Variants in KCNG3 observed in about 807,000 individuals in gnomAD.
KCNG3 encodes the protein potassium voltage-gated channel modifier subfamily G member 3, also known as voltage-gated potassium channel regulatory subunit KCNG3.
A neutral mutation model predicts 29.0 loss-of-function variants in KCNG3; 15 were observed. The observed-to-expected ratio is 0.52, with a 90% CI of 0.35 to 0.80. KCNG3 has a LOEUF of 0.80. Among genes scored for constraint, KCNG3 ranks in the 30% least tolerant of loss-of-function variants. The probability of loss-of-function intolerance (pLI) is 0.01; values close to 1 mark genes in which losing one functional copy is unlikely to be tolerated. For synonymous variants in KCNG3, 322 were observed against 248.9 expected (o/e 1.29, Z -2.76); for missense variants, 512 against 605.7 (o/e 0.85, Z 1.62).
chr2:42,421,389 T>A, the KCNG3 span, among the ~76,000 whole-genome samples: 2 of 151,988 alleles, frequency 1.3e-5, no homozygotes, highest in South Asian at 4.2e-4. Flanking sequence ...AGTCAACAAG[T>A]CCCCAAGAAA....
At chr2:42,418,673 G>A in the KCNG3 span, among the ~76,000 whole-genome samples, 1 of 152,106 alleles carries the variant, frequency 6.6e-6, no homozygotes, top group Non-Finnish European at 1.5e-5. Flanking sequence ...GTTTTTTGTG[G>A]TTAAAAACAT....
chr2:42,440,784 G>C (rs1001528125), downstream of KCNG3, among the ~76,000 whole-genome samples: 1 of 152,042 alleles, frequency 6.6e-6, no homozygotes, highest in African/African-American at 2.4e-5. Context: ...TGAATTGTTA[G>C]TTTGTTCACT....
At position 42,460,985 on chromosome 2, in the gene KCNG3, C is replaced by A. The variant is rs186701580; in HGVS notation, c.666-16406G>T. ...GACCACCCTGGCTAACGTGGTGAAACCCCGTCTCTACTAAAAATACAAAAA... is the reference window on the plus strand; with the variant it reads ...GACCACCCTGGCTAACGTGGTGAAAACCCGTCTCTACTAAAAATACAAAAA... On this transcript the variant is annotated intron_variant, in intron 1 of 1. Transcript: ENST00000306078. Among the ~76,000 whole-genome samples the A allele has an allele frequency of 2.8e-3, 426 of 151,978 alleles. 1 individual carries two copies. Among genetic ancestry groups the A allele is most frequent in the African/African-American group, 9.8e-3 (408 of 41,462 alleles).
intron 1 of KCNG3, among the ~76,000 whole-genome samples, chr2:42,451,658 G>A (rs564760330): frequency 9.9e-5 from 15 of 152,048 alleles, no homozygotes; most frequent in Admixed American, 7.9e-4. Context: ...CCCAGGAGGT[G>A]GAGGTTGTAG....
intron 1 of KCNG3, among the ~76,000 whole-genome samples, chr2:42,475,108 G>C (rs985495632): frequency 6.6e-6 from 1 of 152,128 alleles, no homozygotes. Flanking sequence ...TTTGATACTT[G>C]AAATTTTGTA....
At chr2:42,472,828 C>A (rs985291761) in intron 1 of KCNG3, among the ~76,000 whole-genome samples, 5 of 145,414 alleles carry the variant, frequency 3.4e-5, no homozygotes, top group Admixed American at 2.8e-4. Flanking sequence ...ATCTAGATAT[C>A]TATATATAGA....
chr2:42,437,899 T>C (rs1022567121), downstream of KCNG3, among the ~76,000 whole-genome samples: 4 of 136,356 alleles, frequency 2.9e-5, no homozygotes, highest in African/African-American at 5.6e-5. Flanking sequence ...GATTGTGCCA[T>C]TGCACTCCAG....
the KCNG3 span, among the ~76,000 whole-genome samples, chr2:42,413,126 A>C: frequency 6.6e-6 from 1 of 151,924 alleles, no homozygotes; most frequent in Non-Finnish European, 1.5e-5. Flanking sequence ...TAACCTCCCA[A>C]ATAGCTAAGA....
At chr2:42,467,110 T>A (rs372665725) in intron 1 of KCNG3, among the ~76,000 whole-genome samples, 2 of 152,066 alleles carry the variant, frequency 1.3e-5, no homozygotes, top group East Asian at 3.9e-4. Context: ...TGAAGATAAA[T>A]GTGAAAATTT....
At chr2:42,468,006 C>T (rs1435793758) in intron 1 of KCNG3, among the ~76,000 whole-genome samples, 1 of 151,352 alleles carries the variant, frequency 6.6e-6, no homozygotes, top group East Asian at 1.9e-4. Context: ...ATGTTGATAC[C>T]AAACCCAGAC....
intron 1 of KCNG3, among the ~76,000 whole-genome samples, chr2:42,447,264 AT>A: frequency 6.6e-6 from 1 of 151,296 alleles, no homozygotes; most frequent in Non-Finnish European, 1.5e-5. Flanking sequence ...ATATATGTAC[AT>A]ACATGTATAT....
At chr2:42,481,107 G>T (rs115786561) in intron 1 of KCNG3, among the ~76,000 whole-genome samples, 1 of 152,080 alleles carries the variant, frequency 6.6e-6, no homozygotes, top group Non-Finnish European at 1.5e-5. Context: ...TAGTTCAGGG[G>T]CTACACAAAA....
At position 42,443,988 on chromosome 2, in the gene KCNG3, G is replaced by A; in HGVS notation, c.1257C>T (p.Leu419=). The A allele has an allele frequency of 6.2e-7, 1 of 1,614,116 alleles. No individual in the cohort carries two copies. Among genetic ancestry groups the A allele is most frequent in the Non-Finnish European group, 8.5e-7 (1 of 1,180,012 alleles). ...TACTATACCTAGCAGATCTAAACTT[G>A]AGCTCATGATAACACTGCACAAAGC... ...YHSFVQCYHE[L]KFRSARYSRS... Residue 419 remains leucine (L), a synonymous_variant, in exon 2 of 2, where the codon CTC becomes CTT. Transcript: ENST00000306078.
the KCNG3 span, among the ~76,000 whole-genome samples, chr2:42,409,029 G>A: frequency 3.3e-5 from 5 of 152,126 alleles, no homozygotes; most frequent in African/African-American, 9.7e-5. Context: ...GCTGGCACCT[G>A]GAGCTGCCCA....
intron 1 of KCNG3, among the ~76,000 whole-genome samples, chr2:42,445,913 G>C (rs899093118): frequency 6.6e-6 from 1 of 151,978 alleles, no homozygotes; most frequent in Non-Finnish European, 1.5e-5. Context: ...TTTTAGTAGA[G>C]ATGGAGTTTC....
chr2:42,401,050 TATAA>T, the KCNG3 span, among the ~76,000 whole-genome samples: 16 of 151,378 alleles, frequency 1.1e-4, no homozygotes, highest in South Asian at 1.7e-3. Flanking sequence ...CATGTGTGTA[TATAA>T]ATATTCATAC....
At chr2:42,485,736 C>A (rs1451293518) in intron 1 of KCNG3, among the ~76,000 whole-genome samples, 3 of 152,192 alleles carry the variant, frequency 2.0e-5, no homozygotes, top group Non-Finnish European at 4.4e-5. Context: ...GCATGAGCCA[C>A]CGTGCCCGGC....
chr2:42,450,715 G>C (rs1672726498), intron 1 of KCNG3, among the ~76,000 whole-genome samples: 1 of 152,120 alleles, frequency 6.6e-6, no homozygotes, highest in Non-Finnish European at 1.5e-5. Flanking sequence ...CTTTCAAGAA[G>C]TCTATGAAAT....
At chr2:42,392,355 G>A in the KCNG3 span, among the ~76,000 whole-genome samples, 3 of 152,108 alleles carry the variant, frequency 2.0e-5, no homozygotes, top group African/African-American at 7.2e-5. Flanking sequence ...GTTACAACCT[G>A]AAACTTTGGG....
Sources: allele counts gnomAD v4.1 joint callset (sites outside exome capture counted in the v4.1 genomes callset), GRCh38; gene constraint gnomAD v4.1.1; transcripts MANE v1.5; gene names NCBI Gene and HGNC (gene_info 2026-07-23, HGNC 2026-07-21).